Variants in GPC3 observed in about 807,000 individuals in gnomAD.
GPC3 encodes the protein glypican-3.
In GPC3, 3 loss-of-function variants were observed where a neutral mutation model predicts 34.4. The ratio of observed to expected loss-of-function variants is 0.09; its 90% confidence interval spans 0.04 to 0.23. The LOEUF (loss-of-function observed/expected upper bound fraction) is 0.23. GPC3 is among the 10% of genes least tolerant of loss of function. The pLI, the probability that GPC3 is intolerant of heterozygous loss-of-function variation, is 1.00. For synonymous variants in GPC3, 177 were observed against 174.0 expected (o/e 1.02, Z -0.13); for missense variants, 351 against 445.6 (o/e 0.79, Z 1.91).
intron 2 of GPC3, among the ~76,000 whole-genome samples, chrX:133,942,561 A>C (rs2124628907): frequency 8.9e-6 from 1 of 112,392 alleles, no homozygotes; most frequent in African/African-American, 3.2e-5. Flanking sequence ...CCTATGTATG[A>C]ATAAAAAGTA....
chrX:133,668,002 C>T (rs960665687), intron 5 of GPC3, among the ~76,000 whole-genome samples: 1 of 108,893 alleles, frequency 9.2e-6, no homozygotes, highest in Admixed American at 9.8e-5. Context: ...CCTGGGTTCA[C>T]GTCATTCTCC....
At chrX:133,582,670 A>G (rs1284329497) in intron 7 of GPC3, among the ~76,000 whole-genome samples, 4 of 111,225 alleles carry the variant, frequency 3.6e-5, no homozygotes, top group African/African-American at 1.3e-4. Flanking sequence ...ATTTAGTTTT[A>G]TTGTCTACAA....
At chrX:133,716,293 T>C (rs1164079946) in intron 3 of GPC3, among the ~76,000 whole-genome samples, 7 of 111,165 alleles carry the variant, frequency 6.3e-5, no homozygotes, top group African/African-American at 2.0e-4. Context: ...GCATGGCCCA[T>C]CCACAGGAAA....
intron 2 of GPC3, among the ~76,000 whole-genome samples, chrX:133,788,097 T>C (rs957152958): frequency 7.8e-5 from 6 of 76,825 alleles, no homozygotes; most frequent in Non-Finnish European, 1.1e-4. Context: ...TTTATATATA[T>C]ATATATATAT....
intron 1 of GPC3, among the ~76,000 whole-genome samples, chrX:133,961,162 C>A (rs2076439687): frequency 9.0e-6 from 1 of 111,478 alleles, no homozygotes; most frequent in East Asian, 2.8e-4. Flanking sequence ...GGGAACCCAG[C>A]TGAAGGTTAC....
At chrX:133,975,720 T>C (rs980320164) in intron 1 of GPC3, among the ~76,000 whole-genome samples, 2 of 112,431 alleles carry the variant, frequency 1.8e-5, no homozygotes, top group African/African-American at 6.5e-5. Flanking sequence ...GTACCTGGCA[T>C]AGTATCAGTG....
Position 133,739,223 on chromosome X carries a change from T to C in GPC3, c.1032+14259A>G, listed in dbSNP as rs369265997. 2.3e-3 allele frequency among the ~76,000 whole-genome samples: 262 copies of C among 111,517 alleles called. 2 individuals are homozygous for C. The highest frequency in any genetic ancestry group is 4.6e-3 in the Middle Eastern group (1 of 218). On this transcript the variant is annotated intron_variant, in intron 3 of 7. Coordinates refer to ENST00000370818, the MANE Select transcript of GPC3 (RefSeq NM_004484.4). ...GGACATGGGGATATTAGTGTATTTG[T>C]GTTGGCAGCTCCTGACATAGGGCCT...
intron 2 of GPC3, among the ~76,000 whole-genome samples, chrX:133,808,143 T>C (rs2075645926): frequency 1.8e-5 from 2 of 112,376 alleles, no homozygotes; most frequent in Non-Finnish European, 3.8e-5. Context: ...GGGTACACTA[T>C]TACGAAGCAA....
chrX:133,763,800 G>A lies in GPC3; in HGVS notation c.338-9624C>T, dbSNP rs764807910. ...TGTTGGTGAGGATGCAGAGAAAAGG[G>A]AATGCCTATGCACTGTTGGTGGGAA... On this transcript the variant is annotated intron_variant, in intron 2 of 7. Coordinates refer to ENST00000370818, the MANE Select transcript of GPC3 (RefSeq NM_004484.4). 5.0e-5 allele frequency: 21 copies of A among 421,366 alleles called. No homozygotes were observed. The East Asian group carries it at 6.2e-4, about 12-fold the overall frequency. The allele number at this position is 421,366 out of a possible 1,213,427, so 34.7% of individuals were successfully genotyped here.
intron 5 of GPC3, among the ~76,000 whole-genome samples, chrX:133,679,165 T>C (rs1032443367): frequency 9.0e-6 from 1 of 111,222 alleles, no homozygotes; most frequent in Non-Finnish European, 1.9e-5. Context: ...TAAGTGACAT[T>C]CCTCAAGTCC....
intron 7 of GPC3, among the ~76,000 whole-genome samples, chrX:133,565,634 C>A (rs1261232817): frequency 5.3e-5 from 6 of 112,179 alleles, no homozygotes; most frequent in African/African-American, 1.9e-4. Context: ...ATCAACAAGA[C>A]CACTTTTATT....
chrX:133,570,480 C>A (rs1300480965), intron 7 of GPC3, among the ~76,000 whole-genome samples: 1 of 112,767 alleles, frequency 8.9e-6, no homozygotes, highest in Non-Finnish European at 1.9e-5. Context: ...GGATTACAGG[C>A]ATGAGCCACT....
chrX:133,825,978 A>G (rs2124539659), intron 2 of GPC3, among the ~76,000 whole-genome samples: 1 of 112,265 alleles, frequency 8.9e-6, no homozygotes, highest in Admixed American at 9.5e-5. Context: ...GACATTACAG[A>G]GTTCACTCAG....
At chrX:133,637,097 C>T (rs1254695443) in intron 6 of GPC3, among the ~76,000 whole-genome samples, 1 of 111,930 alleles carries the variant, frequency 8.9e-6, no homozygotes, top group Non-Finnish European at 1.9e-5. Context: ...ACATTTATTT[C>T]CTTTCCAATA....
intron 3 of GPC3, among the ~76,000 whole-genome samples, chrX:133,739,435 T>A (rs1005470523): frequency 1.8e-5 from 2 of 112,032 alleles, no homozygotes; most frequent in Non-Finnish European, 3.8e-5. Context: ...TGTTGCAAAA[T>A]TTTCATAGTA....
At chrX:133,878,908 C>T (rs2076029196) in intron 2 of GPC3, among the ~76,000 whole-genome samples, 1 of 111,981 alleles carries the variant, frequency 8.9e-6, no homozygotes, top group Non-Finnish European at 1.9e-5. Context: ...CTTGGCAAGG[C>T]TTCCAGTTCA....
chrX:133,662,011 A>C (rs1256768147), intron 5 of GPC3, among the ~76,000 whole-genome samples, 161 bp from the exon 6 acceptor site: 2 of 111,139 alleles, frequency 1.8e-5, no homozygotes, highest in Non-Finnish European at 3.8e-5. Context: ...TACAGTAAAA[A>C]AAAATTCGTT....
intron 2 of GPC3, among the ~76,000 whole-genome samples, chrX:133,785,544 C>T (rs1375443722): frequency 1.8e-5 from 2 of 111,865 alleles, no homozygotes; most frequent in South Asian, 3.7e-4. Flanking sequence ...TAAATAGCTT[C>T]GTACTATGCC....
intron 2 of GPC3, among the ~76,000 whole-genome samples, chrX:133,802,716 C>G (rs1210613241): frequency 7.2e-5 from 8 of 111,066 alleles, no homozygotes; most frequent in Non-Finnish European, 1.5e-4. Flanking sequence ...TATAAACAAT[C>G]TATACATCAC....
Sources: allele counts gnomAD v4.1 joint callset (sites outside exome capture counted in the v4.1 genomes callset), GRCh38; gene constraint gnomAD v4.1.1; transcripts MANE v1.5; gene names NCBI Gene and HGNC (gene_info 2026-07-23, HGNC 2026-07-21).